PPP1R12B: variants seen among roughly 807,000 people sequenced by gnomAD.
The protein encoded by PPP1R12B is protein phosphatase 1 regulatory subunit 12B, also known as myosin phosphatase target subunit 2.
A neutral mutation model predicts 126.1 loss-of-function variants in PPP1R12B; 76 were observed. The ratio of observed to expected loss-of-function variants is 0.60; its 90% CI spans 0.50 to 0.73. The LOEUF is 0.73. Among genes scored for constraint, PPP1R12B ranks in the 30% least tolerant of loss-of-function variants. The pLI, the probability that PPP1R12B is intolerant of heterozygous loss-of-function variation, is 0.00. For missense variants in PPP1R12B, 1,052 were observed against 1,205.1 expected (o/e 0.87, Z 1.88); for synonymous variants, 356 against 434.7 (o/e 0.82, Z 2.25).
rs758933962 is a variant in PPP1R12B, at chr1:202,437,933, A to G, written c.1367A>G (p.Asn456Ser). ...GSHNMLSEVANSREPIRDRGS... is the reference protein window; with the variant it reads ...GSHNMLSEVASSREPIRDRGS... ...CACAACATGCTGAGTGAGGTGGCCAATTCCAGGGAACCTATAAGGGACCGA... is the reference window on the plus strand; with the variant it reads ...CACAACATGCTGAGTGAGGTGGCCAGTTCCAGGGAACCTATAAGGGACCGA... The change falls in exon 10 of 24, where the codon AAT (asparagine) becomes AGT (serine). Residue 456 changes from asparagine (N) to serine (S), a missense_variant. Transcript: ENST00000608999. 1.9e-6 allele frequency: 3 copies of G among 1,614,148 alleles called. No homozygotes were observed. The highest frequency in any genetic ancestry group is 2.2e-5 in the East Asian group (1 of 44,872).
intron 18 of PPP1R12B, among the ~76,000 whole-genome samples, chr1:202,540,784 G>C (rs1182622255): frequency 6.6e-6 from 1 of 152,198 alleles, no homozygotes; most frequent in Non-Finnish European, 1.5e-5. Context: ...TGAGCAATGA[G>C]CAAGGAGTTA....
chr1:202,515,527 A>C (rs1241812580), intron 18 of PPP1R12B, among the ~76,000 whole-genome samples: 1 of 152,120 alleles, frequency 6.6e-6, no homozygotes, highest in Non-Finnish European at 1.5e-5. Context: ...AGGAAGAAAG[A>C]CCTTCCCTAT....
intron 18 of PPP1R12B, among the ~76,000 whole-genome samples, chr1:202,535,071 G>T (rs1226973468): frequency 2.6e-5 from 4 of 152,036 alleles, no homozygotes; most frequent in African/African-American, 4.8e-5. Context: ...GTGTGTGTGT[G>T]TGTGTGTGTG....
At chr1:202,372,226 G>A (rs952749829) in intron 1 of PPP1R12B, among the ~76,000 whole-genome samples, 6 of 151,930 alleles carry the variant, frequency 3.9e-5, no homozygotes, top group Admixed American at 6.6e-5. Flanking sequence ...ATTTTTGGCC[G>A]GTTCCAGTGG....
chr1:202,375,180 G>C (rs1219141752), intron 1 of PPP1R12B, among the ~76,000 whole-genome samples: 5 of 151,420 alleles, frequency 3.3e-5, no homozygotes, highest in African/African-American at 1.2e-4. Flanking sequence ...CTGACCTCAA[G>C]TGATCTGCCT....
At chr1:202,561,695 T>G (rs1282219401) in intron 19 of PPP1R12B, among the ~76,000 whole-genome samples, 1 of 152,176 alleles carries the variant, frequency 6.6e-6, no homozygotes, top group East Asian at 1.9e-4. Context: ...TAAAGAGATT[T>G]CTATTAACAA....
At chr1:202,551,176 CAT>C (rs1373236617) in intron 18 of PPP1R12B, among the ~76,000 whole-genome samples, 4 of 152,040 alleles carry the variant, frequency 2.6e-5, no homozygotes, top group Admixed American at 1.3e-4. Context: ...CACAATCTGG[CAT>C]ATGAGATTTT....
intron 18 of PPP1R12B, among the ~76,000 whole-genome samples, chr1:202,524,941 G>A (rs1290225894): frequency 3.3e-5 from 5 of 152,072 alleles, no homozygotes; most frequent in African/African-American, 1.2e-4. Flanking sequence ...GCGGTGACGC[G>A]ATCTTGGCTC....
At chr1:202,574,167 C>CAAAAAAAAA (rs11320060) in intron 23 of PPP1R12B, among the ~76,000 whole-genome samples, 1 of 122,342 alleles carries the variant, frequency 8.2e-6, no homozygotes, top group African/African-American at 3.0e-5. Context: ...ACATGCCCCA[C>CAAAAAAAAA]AAAAAAAAAA....
intron 1 of PPP1R12B, among the ~76,000 whole-genome samples, chr1:202,394,109 C>A (rs1225852844): frequency 6.6e-6 from 1 of 151,994 alleles, no homozygotes; most frequent in Non-Finnish European, 1.5e-5. Context: ...GAGGCTGAGG[C>A]AGGCAGATCA....
chr1:202,496,516 A>T (rs1164201603), intron 17 of PPP1R12B, among the ~76,000 whole-genome samples: 1 of 152,232 alleles, frequency 6.6e-6, no homozygotes, highest in Admixed American at 6.5e-5. Context: ...AGATGAAATT[A>T]AGTCTGTCTG....
Position 202,351,933 on chromosome 1 carries a change from C to T in PPP1R12B, c.291+2791C>T, listed in dbSNP as rs1342762322. On this transcript the variant is annotated intron_variant, in intron 1 of 23. Transcript: ENST00000608999. The stretch of plus-strand genomic sequence containing the variant: ...TTCTTGGCAGCCTTTGCTGAGACCA[C>T]GAGGTGCTTGAGTCAAAGATAACAA... Among the ~76,000 whole-genome samples, 3 of 152,160 alleles carry T rather than the reference C, an allele frequency of 2.0e-5. No homozygotes were observed. In the East Asian group the frequency reaches 5.8e-4, roughly 29 times the overall value.
chr1:202,515,264 C>A lies in PPP1R12B; in HGVS notation c.2490+18442C>A, dbSNP rs374928094. Among the ~76,000 whole-genome samples, 5 of 152,026 alleles carry A rather than the reference C, an allele frequency of 3.3e-5. No individual in the cohort carries two copies. In the East Asian group the frequency reaches 5.9e-4, roughly 18 times the overall value. ...GACACAAGTTTACCTATGTAACAAACCTTCACATGTACCCCAGAACCTAAA... is the reference window on the plus strand; with the variant it reads ...GACACAAGTTTACCTATGTAACAAAACTTCACATGTACCCCAGAACCTAAA... On this transcript the variant is annotated intron_variant, in intron 18 of 23. Transcript: ENST00000608999.
rs1441894134 is a variant in PPP1R12B, at chr1:202,446,252, A to ATT, written c.1668-2736_1668-2735insTT. Among the ~76,000 whole-genome samples, 151 of 57,230 alleles carry ATT rather than the reference A, an allele frequency of 2.6e-3. 1 individual carries two copies. Among genetic ancestry groups the ATT allele is most frequent in the African/African-American group, 9.3e-3 (117 of 12,542 alleles). 37.5% of individuals were successfully genotyped at this position (57,230 alleles called of 152,430 possible). On this transcript the variant is annotated intron_variant, in intron 12 of 23. Coordinates refer to ENST00000608999, the MANE Select transcript of PPP1R12B (RefSeq NM_002481.4). ...TCTCTCTCTCTATATATATATATAT[A>ATT]TATATTTTTTTTTTTTTTTGAGATG... is the stretch of plus-strand genomic sequence containing the variant.
chr1:202,374,493 C>CTA (rs1660824776), intron 1 of PPP1R12B, among the ~76,000 whole-genome samples: 1 of 89,506 alleles, frequency 1.1e-5, no homozygotes, highest in Non-Finnish European at 2.0e-5. Context: ...TTGTCTCTCT[C>CTA]TTTTTTTTTT....
At chr1:202,403,855 A>G (rs2148571619) in intron 1 of PPP1R12B, among the ~76,000 whole-genome samples, 1 of 152,244 alleles carries the variant, frequency 6.6e-6, no homozygotes, top group South Asian at 2.1e-4. Flanking sequence ...GCTCTTAACA[A>G]TCTCCATGTT....
chr1:202,488,999 C>T (rs558007980), intron 14 of PPP1R12B, among the ~76,000 whole-genome samples: 9 of 152,240 alleles, frequency 5.9e-5, no homozygotes, highest in African/African-American at 9.6e-5. Context: ...GCCAAGATTG[C>T]GCCACTGCCC....
chr1:202,499,039 C>A (rs991524273), intron 18 of PPP1R12B, among the ~76,000 whole-genome samples: 5 of 152,134 alleles, frequency 3.3e-5, no homozygotes, highest in African/African-American at 1.2e-4. Context: ...AATTAATGCA[C>A]AGATTTTAAA....
intron 12 of PPP1R12B, among the ~76,000 whole-genome samples, chr1:202,443,713 T>C (rs1434852173): frequency 6.6e-6 from 1 of 152,224 alleles, no homozygotes; most frequent in Admixed American, 6.5e-5. Context: ...TTCATTATAG[T>C]TGAATCCAAG....
Sources: gnomAD v4.1 joint callset for allele counts (sites outside exome capture counted in the v4.1 genomes callset) on GRCh38, gnomAD v4.1.1 for gene constraint, MANE v1.5 for transcripts, NCBI Gene and HGNC (gene_info 2026-07-23, HGNC 2026-07-21) for gene names.